Variants in KIF6 observed in about 807,000 individuals in gnomAD.
KIF6 encodes the protein kinesin family member 6, also known as kinesin-like protein KIF6.
In KIF6, 106 loss-of-function variants were observed where a neutral mutation model predicts 112.7. That is an observed-to-expected ratio of 0.94 (90% CI 0.80 to 1.11). The LOEUF (loss-of-function observed/expected upper bound fraction) is 1.11, where lower values mean the gene tolerates loss of function less well. Among genes scored for constraint, KIF6 ranks in the 50% least tolerant of loss-of-function variants. KIF6 has a pLI of 0.00. For synonymous variants in KIF6, 339 were observed against 339.9 expected (o/e 1.00, Z 0.03); for missense variants, 929 against 964.0 (o/e 0.96, Z 0.48).
chr6:39,418,910 C>T (rs565365893), intron 15 of KIF6, among the ~76,000 whole-genome samples: 38 of 152,248 alleles, frequency 2.5e-4, no homozygotes, highest in Non-Finnish European at 4.1e-4. Flanking sequence ...AGAGACCCAG[C>T]GGGCCAGCTG....
chr6:39,440,125 C>G (rs1771824408), intron 13 of KIF6, among the ~76,000 whole-genome samples: 2 of 151,628 alleles, frequency 1.3e-5, no homozygotes, highest in Admixed American at 1.3e-4. Context: ...GGACGATGAA[C>G]AGTGAGAAGG....
At position 39,525,799 on chromosome 6, in the gene KIF6, A is replaced by T. The variant is rs943913904; in HGVS notation, c.1645+14204T>A. 2.0e-5 allele frequency among the ~76,000 whole-genome samples: 3 copies of T among 148,104 alleles called. No homozygotes were observed. The Admixed American group carries it at 2.1e-4, about 10-fold the overall frequency. Reference sequence around the variant, plus strand: ...AGAGTGAGACTCCATCTCAATAACTAACTAAATAGATAAATAAATAAATAA... The same window carrying T: ...AGAGTGAGACTCCATCTCAATAACTTACTAAATAGATAAATAAATAAATAA... On this transcript the variant is annotated intron_variant, in intron 13 of 22. Transcript: ENST00000287152.
chr6:39,425,447 T>C (rs932439557), intron 14 of KIF6, among the ~76,000 whole-genome samples: 2 of 152,058 alleles, frequency 1.3e-5, no homozygotes, highest in Non-Finnish European at 2.9e-5. Flanking sequence ...CCCCTTATGC[T>C]TTTTAAAAAA....
intron 13 of KIF6, among the ~76,000 whole-genome samples, chr6:39,538,345 A>G (rs1352062162): frequency 3.9e-5 from 6 of 151,906 alleles, no homozygotes; most frequent in Non-Finnish European, 2.9e-5. Context: ...TCCAGAATCT[A>G]CAATGAACTC....
intron 3 of KIF6, among the ~76,000 whole-genome samples, chr6:39,694,175 A>C (rs1343764460): frequency 1.3e-5 from 2 of 152,022 alleles, no homozygotes; most frequent in East Asian, 3.9e-4. Context: ...ACCTCAAAAT[A>C]ATAAAAGCCA....
intron 16 of KIF6, among the ~76,000 whole-genome samples, chr6:39,375,379 C>A (rs893263983): frequency 2.0e-5 from 3 of 152,100 alleles, no homozygotes; most frequent in Non-Finnish European, 4.4e-5. Flanking sequence ...ATGGGTGAGG[C>A]AATGAATATG....
At chr6:39,421,786 C>A (rs528099443) in intron 14 of KIF6, among the ~76,000 whole-genome samples, 23 of 152,292 alleles carry the variant, frequency 1.5e-4, no homozygotes, top group African/African-American at 5.3e-4. Flanking sequence ...CTGTCACCTT[C>A]CAGGGAGAAG....
chr6:39,722,946 A>T (rs948788708), intron 1 of KIF6, among the ~76,000 whole-genome samples: 1 of 152,192 alleles, frequency 6.6e-6, no homozygotes, highest in Non-Finnish European at 1.5e-5. Context: ...AAGAGAAAAG[A>T]AAGTTCAGTA....
At chr6:39,723,348 A>G (rs1375914992) in intron 1 of KIF6, among the ~76,000 whole-genome samples, 1 of 152,224 alleles carries the variant, frequency 6.6e-6, no homozygotes, top group South Asian at 2.1e-4. Context: ...TATACTCACA[A>G]ATATGATCCA....
At chr6:39,344,956 A>G (rs1763593427) in intron 21 of KIF6, among the ~76,000 whole-genome samples, 1 of 151,980 alleles carries the variant, frequency 6.6e-6, no homozygotes, top group Non-Finnish European at 1.5e-5. Context: ...TTGTGTGGGA[A>G]TCTCCTTAGA....
chr6:39,420,086 C>T (rs1770243799), intron 14 of KIF6, 83 bp from the exon 15 acceptor site: 2 of 901,888 alleles, frequency 2.2e-6, no homozygotes, highest in Non-Finnish European at 3.5e-6. Flanking sequence ...TTAGAGGTCA[C>T]TAAAATATGA....
At chr6:39,429,229 C>A (rs1770968156) in intron 14 of KIF6, among the ~76,000 whole-genome samples, 1 of 152,218 alleles carries the variant, frequency 6.6e-6, no homozygotes, top group Admixed American at 6.5e-5. Flanking sequence ...CTTTTTCCTT[C>A]TTCCGGGTCT....
intron 13 of KIF6, among the ~76,000 whole-genome samples, chr6:39,473,363 T>C (rs961951239): frequency 6.6e-6 from 1 of 152,066 alleles, no homozygotes; most frequent in Non-Finnish European, 1.5e-5. Flanking sequence ...TTTTAAGAGC[T>C]CTGAGGTTTA....
intron 10 of KIF6, among the ~76,000 whole-genome samples, chr6:39,565,764 A>G (rs1005194781): frequency 6.6e-6 from 1 of 152,378 alleles, no homozygotes; most frequent in South Asian, 2.1e-4. Context: ...TGATATTCAC[A>G]ATTTCATAAA....
In KIF6 at chr6:39,540,118, G is replaced by A. The variant is rs777434355; in HGVS notation, c.1530C>T (p.Pro510=). Residue 510 remains proline (P), a synonymous_variant, in exon 13 of 23, where the codon CCC becomes CCT. Coordinates refer to ENST00000287152, the MANE Select transcript of KIF6 (RefSeq NM_145027.6). ...RREFRQSQSP[P]FRLGNPEEGQ... ...CTTCTTCTGGGTTTCCTAGGCGGAA[G>A]GGTGGGCTCTGGGACTGTCTGAATT... The A allele has an allele frequency of 6.2e-7, 1 of 1,614,152 alleles. No homozygotes were observed. Among genetic ancestry groups the A allele is most frequent in the Non-Finnish European group, 8.5e-7 (1 of 1,179,992 alleles).
intron 2 of KIF6, among the ~76,000 whole-genome samples, chr6:39,719,181 T>C (rs1378717197): frequency 6.6e-6 from 1 of 152,068 alleles, no homozygotes; most frequent in African/African-American, 2.4e-5. Flanking sequence ...TAGCTGGGCA[T>C]GGTAGCAGGT....
intron 15 of KIF6, among the ~76,000 whole-genome samples, chr6:39,388,656 C>T (rs985776799): frequency 1.3e-5 from 2 of 152,116 alleles, no homozygotes; most frequent in Non-Finnish European, 2.9e-5. Flanking sequence ...CTGGATCTTG[C>T]AGCTTTATGG....
intron 3 of KIF6, among the ~76,000 whole-genome samples, chr6:39,697,530 C>G (rs1788616033): frequency 7.7e-6 from 1 of 129,818 alleles, no homozygotes; most frequent in Non-Finnish European, 1.6e-5. Flanking sequence ...AACCATTTTT[C>G]TTTATCCTTT....
At chr6:39,401,094 G>A (rs894262188) in intron 15 of KIF6, among the ~76,000 whole-genome samples, 11 of 152,232 alleles carry the variant, frequency 7.2e-5, no homozygotes, top group South Asian at 6.2e-4. Context: ...GATGTTGCAC[G>A]TACATGAAGA....
Sources: allele counts gnomAD v4.1 joint callset (sites outside exome capture counted in the v4.1 genomes callset), GRCh38; gene constraint gnomAD v4.1.1; transcripts MANE v1.5; gene names NCBI Gene and HGNC (gene_info 2026-07-23, HGNC 2026-07-21).